The following EPB41L3 variants were observed in gnomAD, a reference collection of about 807,000 sequenced individuals.
The protein encoded by EPB41L3 is erythrocyte membrane protein band 4.1 like 3.
In EPB41L3, 57 loss-of-function variants were observed where a neutral mutation model predicts 127.1. That is an observed-to-expected ratio of 0.45 (90% CI 0.36 to 0.56). The LOEUF (loss-of-function observed/expected upper bound fraction) is 0.56. Among genes scored for constraint, EPB41L3 ranks in the 20% least tolerant of loss-of-function variants. The probability of loss-of-function intolerance (pLI) is 0.00; values close to 1 mark genes in which losing one functional copy is unlikely to be tolerated. For synonymous variants in EPB41L3, 572 were observed against 549.5 expected (o/e 1.04, Z -0.57); for missense variants, 1,273 against 1,372.2 (o/e 0.93, Z 1.14).
chr18:5,452,335 A>G (rs2082389407), intron 3 of EPB41L3, among the ~76,000 whole-genome samples: 1 of 151,650 alleles, frequency 6.6e-6, no homozygotes, highest in Non-Finnish European at 1.5e-5. Context: ...TCATAGTTGC[A>G]TTACAGTAAA....
At chr18:5,426,956 G>A (rs1425030407) in intron 9 of EPB41L3, among the ~76,000 whole-genome samples, 1 of 152,020 alleles carries the variant, frequency 6.6e-6, no homozygotes, top group Non-Finnish European at 1.5e-5. Context: ...TCATAGATAG[G>A]TATGATGTTA....
At chr18:5,423,746 T>TA (rs2077774972) in intron 10 of EPB41L3, among the ~76,000 whole-genome samples, 193 bp from the exon 11 acceptor site, 1 of 152,222 alleles carries the variant, frequency 6.6e-6, no homozygotes, top group South Asian at 2.1e-4. Context: ...AGAGAGGATA[T>TA]ATGCAAATGA....
chr18:5,544,068 C>A (rs974231077), upstream of EPB41L3: 3 of 985,514 alleles, frequency 3.0e-6, no homozygotes, highest in Non-Finnish European at 3.6e-6. Context: ...GCAGGAGACA[C>A]CGAGGCTCCG....
At chr18:5,456,726 T>C (rs7233680) in intron 3 of EPB41L3, among the ~76,000 whole-genome samples, 59,231 of 152,128 alleles carry the variant, frequency 0.39, 11,622 homozygotes, top group East Asian at 0.47. Context: ...TTTTCTAACA[T>C]TCCTCTATCA....
chr18:5,536,325 CAGA>C (rs1199160764), intron 1 of EPB41L3, among the ~76,000 whole-genome samples: 1 of 150,808 alleles, frequency 6.6e-6, no homozygotes, highest in South Asian at 2.1e-4. Flanking sequence ...AGGCAGCAAG[CAGA>C]AGGAGGCAGA....
At chr18:5,615,010 G>A (rs927577019) in intron 1 of EPB41L3, among the ~76,000 whole-genome samples, 3 of 152,144 alleles carry the variant, frequency 2.0e-5, no homozygotes, top group African/African-American at 7.2e-5. Context: ...ATTCTCCAGA[G>A]ACACCTGCTA....
chr18:5,497,194 A>G (rs2091265275), intron 1 of EPB41L3, among the ~76,000 whole-genome samples: 1 of 152,202 alleles, frequency 6.6e-6, no homozygotes, highest in South Asian at 2.1e-4. Flanking sequence ...TAAGGTAGAT[A>G]TGAGGAGGGG....
At chr18:5,588,739 A>G (rs776819211) in intron 3 of EPB41L3, among the ~76,000 whole-genome samples, 1 of 152,142 alleles carries the variant, frequency 6.6e-6, no homozygotes, top group Non-Finnish European at 1.5e-5. Flanking sequence ...TGTGCCTCCA[A>G]GAACTAAAGG....
intron 3 of EPB41L3, among the ~76,000 whole-genome samples, chr18:5,587,017 T>G (rs940139041): frequency 1.3e-5 from 2 of 152,186 alleles, no homozygotes; most frequent in Middle Eastern, 3.2e-3. Flanking sequence ...ATGAATAAAT[T>G]ACATATTTTA....
intron 13 of EPB41L3, 35 bp from the exon 14 acceptor site, chr18:5,410,654 A>AAGGCAGGGACAGAAAGTAAACCAG (rs1265349460): frequency 6.3e-7 from 1 of 1,595,540 alleles, no homozygotes; most frequent in Admixed American, 1.7e-5. Context: ...TTCCAGGAGG[A>AAGGCAGGGACAGAAAGTAAACCAG]AGGCAGGGAC....
At chr18:5,511,015 C>G (rs73379599) in intron 1 of EPB41L3, among the ~76,000 whole-genome samples, 5,063 of 151,992 alleles carry the variant, frequency 0.033, 126 homozygotes, top group East Asian at 0.097. Context: ...TCCCTTTATT[C>G]AAGTGGGAAA....
At chr18:5,536,736 T>TGGGAGGCTCACTTGAACCC (rs1453635709) in intron 1 of EPB41L3, among the ~76,000 whole-genome samples, 1 of 151,580 alleles carries the variant, frequency 6.6e-6, no homozygotes, top group African/African-American at 2.4e-5. Flanking sequence ...CGCTTGAACC[T>TGGGAGGCTCACTTGAACCC]GGGAGGCTCA....
At chr18:5,454,209 G>GTTTTT (rs558597098) in intron 3 of EPB41L3, among the ~76,000 whole-genome samples, 1 of 116,392 alleles carries the variant, frequency 8.6e-6, no homozygotes, top group African/African-American at 3.1e-5. Context: ...TTGTTTCCTT[G>GTTTTT]TTTTTTTTTT....
intron 2 of EPB41L3, among the ~76,000 whole-genome samples, chr18:5,485,900 T>C (rs1297160087): frequency 5.3e-5 from 8 of 152,086 alleles, no homozygotes; most frequent in African/African-American, 1.9e-4. Context: ...ACTGTTAAAA[T>C]GGCAATACTA....
At chr18:5,489,796 G>A (rs982598113) in intron 1 of EPB41L3, among the ~76,000 whole-genome samples, 2 of 152,190 alleles carry the variant, frequency 1.3e-5, no homozygotes, top group Non-Finnish European at 2.9e-5. Context: ...AGCTGCAGGG[G>A]CACAGGCAGG....
chr18:5,545,209 A>T (rs546325267), upstream of EPB41L3, among the ~76,000 whole-genome samples: 2 of 152,152 alleles, frequency 1.3e-5, no homozygotes, highest in African/African-American at 2.4e-5. Context: ...GTACGTTATT[A>T]ATTTTTTTAA....
intron 3 of EPB41L3, among the ~76,000 whole-genome samples, chr18:5,574,780 C>A (rs973127420): frequency 6.6e-6 from 1 of 152,272 alleles, no homozygotes. Context: ...GGGAGAGGAC[C>A]TTGGCAGCTT....
chr18:5,570,928 A>G (rs2094271466), intron 3 of EPB41L3: 1 of 152,246 alleles, frequency 6.6e-6, no homozygotes, highest in African/African-American at 2.4e-5. Context: ...TTGAAATAAA[A>G]TAGTTTTCAT....
At chr18:5,530,926 G>A (rs1459330176) in intron 1 of EPB41L3, among the ~76,000 whole-genome samples, 2 of 152,266 alleles carry the variant, frequency 1.3e-5, no homozygotes, top group East Asian at 3.9e-4. Flanking sequence ...GGGTAGTGCT[G>A]GAAATATGTA....
Sources: allele counts gnomAD v4.1 joint callset (sites outside exome capture counted in the v4.1 genomes callset), GRCh38; gene constraint gnomAD v4.1.1; transcripts MANE v1.5; gene names NCBI Gene and HGNC (gene_info 2026-07-23, HGNC 2026-07-21).